EWSR1: variants seen among roughly 807,000 people sequenced by gnomAD.
EWSR1 encodes EWS RNA binding protein 1.
In EWSR1, 14 loss-of-function variants were observed where a neutral mutation model predicts 92.1. That is an observed-to-expected ratio of 0.15 (90% CI 0.10 to 0.24). The LOEUF (loss-of-function observed/expected upper bound fraction) is 0.24, where lower values mean the gene tolerates loss of function less well. Ranked by LOEUF, EWSR1 falls within the 10% of genes least tolerant of loss-of-function variation. The probability of loss-of-function intolerance (pLI) is 1.00; values close to 1 mark genes in which losing one functional copy is unlikely to be tolerated. For synonymous variants in EWSR1, 303 were observed against 292.9 expected (o/e 1.03, Z -0.35); for missense variants, 637 against 870.9 (o/e 0.73, Z 3.38).
chr22:29,291,501 G>GGCTCAGA (rs1281464061), intron 8 of EWSR1, 61 bp from the exon 9 acceptor site: 7 of 1,548,368 alleles, frequency 4.5e-6, no homozygotes, highest in Admixed American at 2.0e-5. Flanking sequence ...GCCCCCCCAA[G>GGCTCAGA]GCTCAGAGCG....
intron 13 of EWSR1, among the ~76,000 whole-genome samples, chr22:29,298,437 G>T (rs978316694): frequency 4.6e-5 from 7 of 151,678 alleles, no homozygotes; most frequent in African/African-American, 1.5e-4. Flanking sequence ...ATCTGGGGGG[G>T]TGGAGGTTGC....
chr22:29,275,496 G>A, intron 4 of EWSR1: 1 of 218,528 alleles, frequency 4.6e-6, no homozygotes, highest in Non-Finnish European at 9.2e-6. Context: ...AAAATTCACA[G>A]TTTATAGAGT....
intron 8 of EWSR1, chr22:29,290,906 C>T (rs1272639126): frequency 1.2e-5 from 3 of 246,482 alleles, no homozygotes; most frequent in African/African-American, 4.4e-5. Flanking sequence ...TTTACATGGC[C>T]ATAGTCATTA....
At chr22:29,298,981 G>A (rs1251830476) in intron 14 of EWSR1, 86 bp downstream of exon 14, 3 of 1,427,344 alleles carry the variant, frequency 2.1e-6, no homozygotes, top group Non-Finnish European at 2.8e-6. Context: ...GGATTGCTCT[G>A]TCTAGAGGAA....
intron 4 of EWSR1, chr22:29,274,415 G>GA (rs1371109764): frequency 1.1e-6 from 1 of 949,574 alleles, no homozygotes; most frequent in East Asian, 2.4e-5. Context: ...AGGTGCTAAT[G>GA]AAAAACTGCT....
chr22:29,280,768 G>GGTTCAAGT (rs936752853), intron 5 of EWSR1, among the ~76,000 whole-genome samples: 8 of 150,512 alleles, frequency 5.3e-5, no homozygotes, highest in South Asian at 2.1e-4. Context: ...CCGCCTCCGG[G>GGTTCAAGT]GTTCAAGTGA....
intron 11 of EWSR1, 64 bp downstream of exon 11, chr22:29,292,670 T>C: frequency 9.6e-7 from 1 of 1,045,200 alleles, no homozygotes; most frequent in Non-Finnish European, 1.5e-6. Context: ...TTAAAGAGAT[T>C]GAATTGATGT....
At chr22:29,293,035 AT>A (rs1352291826) in intron 11 of EWSR1, among the ~76,000 whole-genome samples, 2 of 152,006 alleles carry the variant, frequency 1.3e-5, no homozygotes, top group African/African-American at 2.4e-5. Flanking sequence ...TACAGGTGTG[AT>A]CCCCTACGCC....
At chr22:29,281,344 G>C (rs542568147) in intron 5 of EWSR1, among the ~76,000 whole-genome samples, 1 of 79,410 alleles carries the variant, frequency 1.3e-5, no homozygotes, top group East Asian at 3.7e-4. Context: ...GAGTCTCTCT[G>C]TTGCCCAGGA....
chr22:29,279,382 C>T lies in EWSR1; in HGVS notation c.413+1166C>T, dbSNP rs77071470. Among the ~76,000 whole-genome samples, 24 of 152,142 alleles carry T rather than the reference C, an allele frequency of 1.6e-4. No homozygotes were observed. The East Asian group carries it at 2.3e-3, about 15-fold the overall frequency. On this transcript the variant is annotated intron_variant, in intron 5 of 16. Coordinates refer to ENST00000397938, the MANE Select transcript of EWSR1 (RefSeq NM_005243.4). Reference sequence around the variant, plus strand: ...TTCAAGAAATCAAACATTACTGTCTCGGCTTAAGCAATTGACATGACTTCC... The same window carrying T: ...TTCAAGAAATCAAACATTACTGTCTTGGCTTAAGCAATTGACATGACTTCC...
At chr22:29,282,170 C>CCCTT (rs1333090910) in intron 5 of EWSR1, among the ~76,000 whole-genome samples, 1 of 152,092 alleles carries the variant, frequency 6.6e-6, no homozygotes, top group Non-Finnish European at 1.5e-5. Flanking sequence ...TTGATTCTCC[C>CCCTT]CCTTCCTTAG....
intron 15 of EWSR1, 86 bp downstream of exon 15, chr22:29,299,417 C>T (rs1356572365): frequency 9.1e-6 from 14 of 1,535,148 alleles, no homozygotes; most frequent in Admixed American, 2.1e-5. Context: ...CTGCAGTTGC[C>T]CTCTGCTTAA....
chr22:29,292,679 G>C, intron 11 of EWSR1, 73 bp downstream of exon 11: 1 of 928,080 alleles, frequency 1.1e-6, no homozygotes, highest in Non-Finnish European at 1.7e-6. Flanking sequence ...TTGAATTGAT[G>C]TTGAGAGTTG....
rs960932279 is a variant in EWSR1 at position 29,288,910 on chromosome 22, C to G, written c.974+124C>G. 1.1e-5 allele frequency: 10 copies of G among 920,062 alleles called. 1 individual carries two copies. The South Asian group carries it at 2.2e-4, about 20-fold the overall frequency. The allele number at this position is 920,062 out of a possible 1,614,324, so 57.0% of individuals were successfully genotyped here. On this transcript the variant is annotated intron_variant, in intron 8 of 16. Coordinates refer to ENST00000397938, the MANE Select transcript of EWSR1 (RefSeq NM_005243.4). Reference sequence around the variant, plus strand: ...ATTTCCATGGACAATCTGTTGAGCTCAAGCCATCTTCTAAAACATGGAAAT... The same window carrying G: ...ATTTCCATGGACAATCTGTTGAGCTGAAGCCATCTTCTAAAACATGGAAAT...
chr22:29,292,762 C>CTTTT (rs34395867), intron 11 of EWSR1, among the ~76,000 whole-genome samples, 156 bp downstream of exon 11: 1 of 100,844 alleles, frequency 9.9e-6, no homozygotes, highest in Non-Finnish European at 1.9e-5. Flanking sequence ...AAAGATTAGC[C>CTTTT]TTTTTTTTTT....
chr22:29,294,515 G>T (rs909226814), intron 11 of EWSR1, among the ~76,000 whole-genome samples: 4 of 151,470 alleles, frequency 2.6e-5, no homozygotes, highest in Non-Finnish European at 4.4e-5. Context: ...TGAGGCGGGA[G>T]AATGGCATGA....
At chr22:29,290,217 C>A in intron 8 of EWSR1, 1 of 528,642 alleles carries the variant, frequency 1.9e-6, no homozygotes, top group East Asian at 3.1e-5. Flanking sequence ...CTGTCGGATC[C>A]TGTGGGGATA....
chr22:29,274,493 A>G, intron 4 of EWSR1: 1 of 542,080 alleles, frequency 1.8e-6, no homozygotes, highest in Admixed American at 3.2e-5. Flanking sequence ...TTTATTTAAT[A>G]TTACTTTGTT....
chr22:29,272,947 T>C (rs968640090), intron 3 of EWSR1, among the ~76,000 whole-genome samples: 1 of 152,204 alleles, frequency 6.6e-6, no homozygotes, highest in Non-Finnish European at 1.5e-5. Context: ...TTCTAGTGTT[T>C]TCAAGATAAT....
Sources: allele counts gnomAD v4.1 joint callset (sites outside exome capture counted in the v4.1 genomes callset), GRCh38; gene constraint gnomAD v4.1.1; transcripts MANE v1.5; gene names NCBI Gene and HGNC (gene_info 2026-07-23, HGNC 2026-07-21).